The following CDADC1 variants were observed in gnomAD, a reference collection of about 807,000 sequenced individuals.
The protein encoded by CDADC1 is cytidine and dCMP deaminase domain containing 1.
In CDADC1, 39 loss-of-function variants were observed where a neutral mutation model predicts 54.9. That is an observed-to-expected ratio of 0.71 (90% CI 0.55 to 0.93). CDADC1 has a LOEUF of 0.93. Ranked by LOEUF, CDADC1 falls within the 40% of genes least tolerant of loss-of-function variation. The probability of loss-of-function intolerance (pLI) is 0.00; values close to 1 mark genes in which losing one functional copy is unlikely to be tolerated. For missense variants in CDADC1, 518 were observed against 618.8 expected, an observed-to-expected ratio of 0.84 and a Z score of 1.73; for synonymous variants, 186 against 204.0, an observed-to-expected ratio of 0.91 and a Z score of 0.75.
intron 2 of CDADC1, 34 bp from the exon 3 acceptor site, chr13:49,255,805 A>T (rs759250464): frequency 6.2e-7 from 1 of 1,605,050 alleles, no homozygotes; most frequent in African/African-American, 1.3e-5. Flanking sequence ...CTTATGTGCT[A>T]ATCTTTTTTT....
At chr13:49,287,299 AT>A (rs767313121) in intron 9 of CDADC1, among the ~76,000 whole-genome samples, 9 of 152,220 alleles carry the variant, frequency 5.9e-5, no homozygotes, top group Non-Finnish European at 1.0e-4. Context: ...ACCTTGAAAA[AT>A]CAAGAAGTAT....
chr13:49,258,007 T>C (rs116181988), intron 3 of CDADC1, among the ~76,000 whole-genome samples: 24 of 152,356 alleles, frequency 1.6e-4, no homozygotes, highest in African/African-American at 5.5e-4. Flanking sequence ...TATACATCCT[T>C]AGGTACATAT....
chr13:49,274,637 C>T (rs916809508), intron 6 of CDADC1, among the ~76,000 whole-genome samples: 1 of 151,970 alleles, frequency 6.6e-6, no homozygotes, highest in South Asian at 2.1e-4. Context: ...TGCCACTGCA[C>T]TCCAGCCTGG....
intron 3 of CDADC1, among the ~76,000 whole-genome samples, chr13:49,256,710 G>A (rs1005192923): frequency 3.3e-5 from 5 of 152,216 alleles, no homozygotes; most frequent in Non-Finnish European, 7.3e-5. Flanking sequence ...TTCATTGGAT[G>A]CAGAGTGGAG....
At chr13:49,254,527 C>T (rs1474944929) in intron 2 of CDADC1, among the ~76,000 whole-genome samples, 3 of 151,818 alleles carry the variant, frequency 2.0e-5, no homozygotes, top group Non-Finnish European at 2.9e-5. Context: ...CTCAGCCTCC[C>T]GAGTAGCTGG....
intron 1 of CDADC1, 46 bp downstream of exon 1, chr13:49,248,165 C>A: frequency 6.9e-7 from 1 of 1,450,488 alleles, no homozygotes; most frequent in Non-Finnish European, 9.4e-7. Context: ...TTTCGCTCTG[C>A]CCTGTGCGTC....
intron 3 of CDADC1, among the ~76,000 whole-genome samples, chr13:49,256,911 G>A (rs1952560840): frequency 6.6e-6 from 1 of 152,170 alleles, no homozygotes; most frequent in South Asian, 2.1e-4. Flanking sequence ...CAATGTACTA[G>A]TCCATATACA....
rs929151740 is a variant in CDADC1 at position 49,274,314 on chromosome 13, G to C, written c.1024G>C (p.Ala342Pro). 3 of 1,610,746 alleles carry C rather than the reference G, an allele frequency of 1.9e-6. No individual in the cohort carries two copies. The highest frequency in any genetic ancestry group is 3.3e-5 in the Admixed American group (2 of 59,854). Residue 342 changes from alanine to proline, a missense_variant, in exon 6 of 10, where the codon GCA (alanine) becomes CCA (proline). Physicochemically the swap from Ala to Pro is conservative, Grantham distance 27. Transcript: ENST00000251108. ...AGAGGATCATAAAACAGGAGTTGGG[G>C]CAGTCATTTGGGCAGAAGGGAAATC... is the stretch of plus-strand genomic sequence containing the variant. ...RTEDHKTGVG[A>P]VIWAEGKSRS...
chr13:49,279,663 G>T (rs922437561), intron 7 of CDADC1, among the ~76,000 whole-genome samples: 1 of 152,164 alleles, frequency 6.6e-6, no homozygotes, highest in Admixed American at 6.5e-5. Context: ...CAGACTAGAT[G>T]CATAGAATTC....
intron 2 of CDADC1, among the ~76,000 whole-genome samples, chr13:49,254,072 A>G (rs1391033658): frequency 6.6e-6 from 1 of 152,236 alleles, no homozygotes; most frequent in African/African-American, 2.4e-5. Context: ...TTATAAAGTT[A>G]TAAGGATTAA....
intron 4 of CDADC1, among the ~76,000 whole-genome samples, chr13:49,263,612 C>T (rs1444470103): frequency 6.6e-6 from 1 of 152,162 alleles, no homozygotes; most frequent in Admixed American, 6.5e-5. Flanking sequence ...TCTGAAATGG[C>T]TGTTAAAATA....
intron 9 of CDADC1, among the ~76,000 whole-genome samples, chr13:49,287,816 A>G (rs146284774): frequency 6.8e-4 from 103 of 152,188 alleles, no homozygotes; most frequent in African/African-American, 2.5e-3. Flanking sequence ...TACAAAAAAT[A>G]CAAAAATTAG....
intron 4 of CDADC1, among the ~76,000 whole-genome samples, chr13:49,262,991 T>C (rs1008069863): frequency 1.3e-5 from 2 of 152,196 alleles, no homozygotes; most frequent in African/African-American, 4.8e-5. Context: ...TCTGCATCTT[T>C]TTAATATTCT....
intron 7 of CDADC1, 51 bp downstream of exon 7, chr13:49,278,570 T>C (rs745458565): frequency 1.6e-6 from 2 of 1,212,694 alleles, no homozygotes; most frequent in South Asian, 1.8e-5. Context: ...CAAGGGTTGG[T>C]TGAAATTAAT....
At chr13:49,261,027 G>A (rs111607328) in intron 4 of CDADC1, among the ~76,000 whole-genome samples, 436 of 152,334 alleles carry the variant, frequency 2.9e-3, no homozygotes, top group Middle Eastern at 0.01. Context: ...CTAGGGGTCA[G>A]TATTTGAAAT....
intron 6 of CDADC1, among the ~76,000 whole-genome samples, chr13:49,275,081 A>C (rs964511731): frequency 6.8e-6 from 1 of 146,718 alleles, no homozygotes; most frequent in African/African-American, 2.5e-5. Context: ...ATTCTTGGTG[A>C]ACATTCTTTT....
intron 9 of CDADC1, among the ~76,000 whole-genome samples, chr13:49,288,738 G>C (rs1489266372): frequency 6.6e-6 from 1 of 151,928 alleles, no homozygotes; most frequent in Non-Finnish European, 1.5e-5. Context: ...GACAAACAGA[G>C]AAGGAAGGCA....
intron 4 of CDADC1, among the ~76,000 whole-genome samples, chr13:49,264,106 T>G (rs1317345538): frequency 6.6e-6 from 1 of 152,230 alleles, no homozygotes; most frequent in Non-Finnish European, 1.5e-5. Context: ...ACCCTGTGGT[T>G]CCCTAGTCAA....
intron 9 of CDADC1, 149 bp downstream of exon 9, chr13:49,286,431 A>G (rs1461108013): frequency 9.6e-6 from 6 of 625,672 alleles, no homozygotes; most frequent in African/African-American, 7.3e-5. Context: ...GTTCATAAAT[A>G]TTTGTGGGTC....
Sources: gnomAD v4.1 joint callset for allele counts (sites outside exome capture counted in the v4.1 genomes callset) on GRCh38, gnomAD v4.1.1 for gene constraint, MANE v1.5 for transcripts, NCBI Gene and HGNC (gene_info 2026-07-23, HGNC 2026-07-21) for gene names.